Variants in CACNA1C observed in about 807,000 individuals in gnomAD.
The protein encoded by CACNA1C is calcium voltage-gated channel subunit alpha1 C.
CACNA1C carries 30 observed loss-of-function variants against 229.0 expected under a neutral mutation model. The observed-to-expected ratio is 0.13, with a 90% CI of 0.10 to 0.18. The LOEUF (loss-of-function observed/expected upper bound fraction) is 0.18, where lower values mean the gene tolerates loss of function less well. Among genes scored for constraint, CACNA1C ranks in the 10% least tolerant of loss-of-function variants. CACNA1C has a pLI of 1.00. For missense variants in CACNA1C, 1,658 were observed against 2,845.0 expected (o/e 0.58, Z 9.49); for synonymous variants, 1,114 against 1,132.5 (o/e 0.98, Z 0.33).
chr12:2,399,242 C>T (rs1296967547), intron 3 of CACNA1C, among the ~76,000 whole-genome samples: 1 of 152,190 alleles, frequency 6.6e-6, no homozygotes, highest in Non-Finnish European at 1.5e-5. Context: ...GAGTTACAAA[C>T]AGTGCTCCTT....
intron 1 of CACNA1C, among the ~76,000 whole-genome samples, chr12:2,041,535 C>T (rs2050113504): frequency 6.6e-6 from 1 of 152,122 alleles, no homozygotes; most frequent in Admixed American, 6.5e-5. Flanking sequence ...CTCGGCCTCC[C>T]AAAGTGCTGG....
At chr12:2,517,229 G>A (rs2099798860) in intron 9 of CACNA1C, among the ~76,000 whole-genome samples, 1 of 152,226 alleles carries the variant, frequency 6.6e-6, no homozygotes, top group Non-Finnish European at 1.5e-5. Flanking sequence ...CTCCTGCAAT[G>A]GCATGGAGCG....
At chr12:2,301,995 C>G (rs2094595384) in intron 3 of CACNA1C, among the ~76,000 whole-genome samples, 6 of 152,192 alleles carry the variant, frequency 3.9e-5, no homozygotes, top group Admixed American at 3.9e-4. Flanking sequence ...GTTCAGTAAT[C>G]TTACAAAAAG....
intron 1 of CACNA1C, among the ~76,000 whole-genome samples, chr12:2,023,017 C>T (rs191319906): frequency 1.3e-5 from 2 of 152,210 alleles, no homozygotes; most frequent in African/African-American, 2.4e-5. Context: ...TGGTTTTATA[C>T]TCTGCTGTCA....
At chr12:2,366,833 G>T (rs922324021) in intron 3 of CACNA1C, among the ~76,000 whole-genome samples, 1 of 152,156 alleles carries the variant, frequency 6.6e-6, no homozygotes, top group Non-Finnish European at 1.5e-5. Flanking sequence ...TTACAATCAT[G>T]GCAGAAGGCA....
chr12:2,505,768 C>T (rs2099770272), intron 8 of CACNA1C, among the ~76,000 whole-genome samples: 1 of 152,196 alleles, frequency 6.6e-6, no homozygotes, highest in South Asian at 2.1e-4. Context: ...CAGAAGTCCA[C>T]ACCAGCCATG....
rs2095305006 is a variant in CACNA1C, at chr12:2,152,038, G to C, written c.477+31608G>C. Among the ~76,000 whole-genome samples, 1 of 152,200 alleles carries C rather than the reference G, an allele frequency of 6.6e-6. No individual in the cohort carries two copies. Among genetic ancestry groups the C allele is most frequent in the Non-Finnish European group, 1.5e-5 (1 of 68,028 alleles). On this transcript the variant is annotated intron_variant, in intron 3 of 46. Coordinates refer to ENST00000399655, the MANE Select transcript of CACNA1C (RefSeq NM_000719.7). The surrounding 1 kb of genome is among the most constrained non-coding windows in gnomAD (Gnocchi z 4.2). ...GTTTTTAGTGCCTTGACTAGTGTGAGAAACTTGAAACTCAGTCTCATTGCT... is the reference window on the plus strand; with the variant it reads ...GTTTTTAGTGCCTTGACTAGTGTGACAAACTTGAAACTCAGTCTCATTGCT...
intron 3 of CACNA1C, among the ~76,000 whole-genome samples, chr12:2,366,647 G>A (rs1328496826): frequency 6.6e-6 from 1 of 152,190 alleles, no homozygotes; most frequent in Non-Finnish European, 1.5e-5. Context: ...TAAAACAAAA[G>A]TATACTCTAT....
At chr12:2,164,417 C>G (rs1245280776) in intron 3 of CACNA1C, among the ~76,000 whole-genome samples, 1 of 152,196 alleles carries the variant, frequency 6.6e-6, no homozygotes, top group Non-Finnish European at 1.5e-5. Flanking sequence ...TTGCTCAGTC[C>G]ATATCTGTAA....
At chr12:2,303,871 G>A (rs1028977673) in intron 3 of CACNA1C, among the ~76,000 whole-genome samples, 5 of 152,236 alleles carry the variant, frequency 3.3e-5, no homozygotes, top group African/African-American at 1.2e-4. Context: ...TTTCCCACAG[G>A]TTTGGGGAGA....
intron 3 of CACNA1C, among the ~76,000 whole-genome samples, chr12:2,229,944 C>T (rs1345159586): frequency 1.3e-5 from 2 of 152,180 alleles, no homozygotes; most frequent in African/African-American, 4.8e-5. Flanking sequence ...CGCGGGCTAT[C>T]CCAGGTGAGC....
intron 3 of CACNA1C, among the ~76,000 whole-genome samples, chr12:2,302,337 G>A (rs1230891433): frequency 2.6e-5 from 4 of 151,638 alleles, no homozygotes; most frequent in African/African-American, 9.7e-5. Context: ...TGTGCCCCCT[G>A]CCACCCCCGC....
intron 3 of CACNA1C, chr12:2,223,377 A>G (rs2061988232): frequency 6.6e-6 from 1 of 152,218 alleles, no homozygotes. Flanking sequence ...GTTACCAACA[A>G]GGATACCTGT....
chr12:2,194,781 G>A (rs966990929), intron 3 of CACNA1C, among the ~76,000 whole-genome samples: 3 of 152,158 alleles, frequency 2.0e-5, no homozygotes, highest in African/African-American at 7.2e-5. Context: ...TGGAGCACCT[G>A]AGGGGAGGAG....
chr12:2,524,946 C>T (rs192618046), intron 9 of CACNA1C, among the ~76,000 whole-genome samples: 53 of 152,286 alleles, frequency 3.5e-4, no homozygotes, highest in Admixed American at 2.2e-3. Context: ...AGATCGCAAC[C>T]GGACCTTCTA....
intron 3 of CACNA1C, among the ~76,000 whole-genome samples, chr12:2,298,485 G>A (rs1464936255): frequency 6.6e-6 from 1 of 152,142 alleles, no homozygotes; most frequent in East Asian, 1.9e-4. Flanking sequence ...TTTTAGTAGA[G>A]ACAGGATTTT....
chr12:2,330,159 G>T (rs546327401), intron 3 of CACNA1C, among the ~76,000 whole-genome samples: 2 of 152,188 alleles, frequency 1.3e-5, no homozygotes, highest in Admixed American at 1.3e-4. Context: ...GCATCCTCCC[G>T]CCCTCTCACC....
Position 1,971,322 on chromosome 12 carries a change from C to T in CACNA1C, c.139+121C>T. The T allele has an allele frequency of 2.0e-6, 1 of 489,266 alleles. No homozygotes were observed. The highest frequency in any genetic ancestry group is 3.3e-6 in the Non-Finnish European group (1 of 304,524). 30.3% of individuals were successfully genotyped at this position (489,266 alleles called of 1,614,324 possible). The stretch of plus-strand genomic sequence containing the variant: ...AAGAACTCATCTCTCCATATTTAAT[C>T]AGGATTTACCACACACCGTTGTAAA... On this transcript the variant is annotated intron_variant, in intron 1 of 46. Transcript: ENST00000682462. This position sits in a 1 kb window ranked among gnomAD's most constrained non-coding sequence, Gnocchi z 4.2.
intron 3 of CACNA1C, among the ~76,000 whole-genome samples, chr12:2,127,072 G>A (rs993552749): frequency 7.9e-5 from 12 of 152,164 alleles, no homozygotes; most frequent in African/African-American, 2.9e-4. Context: ...ATCCATTAAT[G>A]GCCAAAGAAG....
Sources: gnomAD v4.1 joint callset for allele counts (sites outside exome capture counted in the v4.1 genomes callset) on GRCh38, gnomAD v4.1.1 for gene constraint, Gnocchi (gnomAD v3.1) non-coding constraint, MANE v1.5 for transcripts, NCBI Gene and HGNC (gene_info 2026-07-23, HGNC 2026-07-21) for gene names.